Variants in MYO1E observed in about 807,000 individuals in gnomAD.
MYO1E encodes the protein myosin IE.
Under a neutral mutation model 151.1 loss-of-function variants are expected in MYO1E, and 68 were observed. That is an observed-to-expected ratio of 0.45 (90% CI 0.37 to 0.55). The LOEUF (loss-of-function observed/expected upper bound fraction) is 0.55, where lower values mean the gene tolerates loss of function less well. MYO1E is among the 20% of genes least tolerant of loss of function. MYO1E has a pLI of 0.00. For synonymous variants in MYO1E, 601 were observed against 501.7 expected (o/e 1.20, Z -2.64); for missense variants, 1,363 against 1,389.3 (o/e 0.98, Z 0.30).
At chr15:59,229,423 C>G (rs1174167578) in intron 6 of MYO1E, among the ~76,000 whole-genome samples, 2 of 152,158 alleles carry the variant, frequency 1.3e-5, no homozygotes, top group African/African-American at 4.8e-5. Context: ...ATATGCATGG[C>G]TCATAATTGT....
intron 16 of MYO1E, among the ~76,000 whole-genome samples, chr15:59,198,034 G>GA (rs1194332592): frequency 1.3e-5 from 2 of 151,552 alleles, no homozygotes; most frequent in Non-Finnish European, 1.5e-5. Flanking sequence ...GCTAATTTTT[G>GA]AAAAAAAATT....
At chr15:59,315,095 T>C (rs2080578848) in intron 1 of MYO1E, among the ~76,000 whole-genome samples, 1 of 152,198 alleles carries the variant, frequency 6.6e-6, no homozygotes, top group Admixed American at 6.5e-5. Flanking sequence ...TTACAGCTTC[T>C]GATGGGGAGA....
At chr15:59,225,981 C>T (rs371057532) in intron 7 of MYO1E, among the ~76,000 whole-genome samples, 7 of 152,282 alleles carry the variant, frequency 4.6e-5, no homozygotes, top group South Asian at 2.1e-4. Context: ...TGAACCCCTG[C>T]GCCCATCAGT....
intron 10 of MYO1E, 108 bp from the exon 11 acceptor site, chr15:59,214,828 G>A: frequency 1.2e-6 from 1 of 859,288 alleles, no homozygotes; most frequent in South Asian, 1.3e-5. Context: ...ACTACTGCTT[G>A]CAGGAAACAG....
intron 1 of MYO1E, among the ~76,000 whole-genome samples, chr15:59,314,636 C>G (rs879611103): frequency 1.3e-5 from 2 of 151,894 alleles, no homozygotes; most frequent in Non-Finnish European, 1.5e-5. Flanking sequence ...CACTCCGGGG[C>G]AGCTCTGCTC....
chr15:59,171,928 C>T lies in MYO1E; in HGVS notation c.2449G>A (p.Glu817Lys), dbSNP rs200616570. 8.1e-6 allele frequency: 13 copies of T among 1,614,068 alleles called. No individual in the cohort carries two copies. The highest frequency in any genetic ancestry group is 4.0e-5 in the African/African-American group (3 of 74,934). Residue 817 changes from glutamate (E) to lysine (K), a missense_variant, in exon 22 of 28, where the codon GAG becomes AAG. Glu to Lys is a moderately conservative substitution (Grantham distance 56, BLOSUM62 1). Coordinates refer to ENST00000288235, the MANE Select transcript of MYO1E (RefSeq NM_004998.4). The stretch of plus-strand genomic sequence containing the variant: ...GACACAGACAAGATCCGTTCTATCT[C>T]GATTTTCCGCTTCAGGACTTCTTTC... ...LVKEVLKRKI[E>K]IERILSVSLS...
At chr15:59,230,988 T>C (rs1222666058) in intron 6 of MYO1E, among the ~76,000 whole-genome samples, 1 of 152,210 alleles carries the variant, frequency 6.6e-6, no homozygotes, top group Non-Finnish European at 1.5e-5. Context: ...AACATATTCA[T>C]ATTCAGCCTT....
At chr15:59,223,862 T>G (rs1020721708) in intron 8 of MYO1E, among the ~76,000 whole-genome samples, 1 of 152,220 alleles carries the variant, frequency 6.6e-6, no homozygotes, top group Non-Finnish European at 1.5e-5. Context: ...GACTCCTTAT[T>G]GGCACTTTTC....
intron 17 of MYO1E, among the ~76,000 whole-genome samples, chr15:59,190,175 C>G (rs1245134694): frequency 6.6e-6 from 1 of 152,148 alleles, no homozygotes; most frequent in Non-Finnish European, 1.5e-5. Flanking sequence ...GCTGGCTGAA[C>G]CAGACACTTG....
At chr15:59,365,604 A>G (rs1310550070) in intron 1 of MYO1E, among the ~76,000 whole-genome samples, 2 of 152,162 alleles carry the variant, frequency 1.3e-5, no homozygotes, top group Non-Finnish European at 2.9e-5. Context: ...GAAGTTAACA[A>G]ATGGATTTAG....
At chr15:59,138,164 G>A in intron 27 of MYO1E, 34 bp downstream of exon 27, 3 of 1,609,430 alleles carry the variant, frequency 1.9e-6, no homozygotes, top group Non-Finnish European at 1.7e-6. Context: ...ATGCTCTTTG[G>A]GAGGCTGTCC....
Position 59,179,295 on chromosome 15 carries a change from C to G in MYO1E, c.1905-758G>C, listed in dbSNP as rs866091763. ...GCTCTCTTGTTAGTTTCTCTCATAG[C>G]AAGTACTATTTTTCCTTCAGAGCAT... On this transcript the variant is annotated intron_variant, in intron 18 of 27. Coordinates refer to ENST00000288235, the MANE Select transcript of MYO1E (RefSeq NM_004998.4). Among the ~76,000 whole-genome samples the G allele has an allele frequency of 1.3e-5, 2 of 152,062 alleles. 1 individual carries two copies. The highest frequency in any genetic ancestry group is 4.2e-4 in the South Asian group (2 of 4,816).
intron 1 of MYO1E, among the ~76,000 whole-genome samples, chr15:59,324,993 T>A (rs1291438049): frequency 3.3e-5 from 5 of 151,168 alleles, no homozygotes; most frequent in Middle Eastern, 3.5e-3. Flanking sequence ...CTATCTTCCC[T>A]TCAGTAGGGT....
intron 1 of MYO1E, among the ~76,000 whole-genome samples, chr15:59,345,988 G>A (rs554278613): frequency 5.3e-5 from 8 of 152,294 alleles, no homozygotes; most frequent in African/African-American, 1.2e-4. Flanking sequence ...TAGTACTTCC[G>A]AATGCATGTG....
rs2079354009 is a variant in MYO1E at position 59,133,083 on chromosome 15, A to T, written c.*4297T>A. 1 of 152,252 alleles carries T rather than the reference A, an allele frequency of 6.6e-6. No homozygotes were observed. The highest frequency in any genetic ancestry group is 6.5e-5 in the Admixed American group (1 of 15,286). 9.4% of individuals were successfully genotyped at this position (152,252 alleles called of 1,614,324 possible). On this transcript the variant is annotated 3_prime_UTR_variant, in exon 28 of 28. Transcript: ENST00000288235. The stretch of plus-strand genomic sequence containing the variant: ...AATATCTGTTGAATTGGAGAAAATG[A>T]TTAAAAGCACAGGCCTTTTGGGCAC...
At chr15:59,196,224 A>C (rs1216696417) in intron 16 of MYO1E, among the ~76,000 whole-genome samples, 1 of 152,180 alleles carries the variant, frequency 6.6e-6, no homozygotes, top group African/African-American at 2.4e-5. Flanking sequence ...CTTCTTTGCA[A>C]ATCTAGAATA....
At position 59,137,320 on chromosome 15, in the gene MYO1E, T is replaced by A; in HGVS notation, c.*60A>T. 6.9e-7 allele frequency: 1 copy of A among 1,441,282 alleles called. No individual in the cohort carries two copies. The highest frequency in any genetic ancestry group is 9.8e-7 in the Non-Finnish European group (1 of 1,022,798). The allele number at this position is 1,441,282 out of a possible 1,614,324, so 89.3% of individuals were successfully genotyped here. A position where few individuals can be genotyped will look rare whatever the true frequency, so the allele number is the denominator to read the frequency against. On this transcript the variant is annotated 3_prime_UTR_variant, in exon 28 of 28. Transcript: ENST00000288235. Reference sequence around the variant, plus strand: ...GGATTGTAAGGGGAGCCCCTAAATATCCCCTCCCCTGGTCTGTGCCTGGAG... The same window carrying A: ...GGATTGTAAGGGGAGCCCCTAAATAACCCCTCCCCTGGTCTGTGCCTGGAG...
chr15:59,221,078 G>A (rs1302792613), intron 9 of MYO1E, among the ~76,000 whole-genome samples: 3 of 144,840 alleles, frequency 2.1e-5, no homozygotes, highest in Non-Finnish European at 4.5e-5. Flanking sequence ...CCCTTTTTGA[G>A]ATGGAGACTC....
Position 59,369,660 on chromosome 15 carries a change from T to A in MYO1E, c.3+2838A>T, listed in dbSNP as rs144004118. 7.7e-3 allele frequency among the ~76,000 whole-genome samples: 1,177 copies of A among 152,292 alleles called. 17 individuals are homozygous for A. Among genetic ancestry groups the A allele is most frequent in the African/African-American group, 0.028 (1,144 of 41,552 alleles). ...AGTCTCCTTAGGAAAAAGACACAAGTAACTATTGCCTGGTAGTGTTCCTAG... is the reference window on the plus strand; with the variant it reads ...AGTCTCCTTAGGAAAAAGACACAAGAAACTATTGCCTGGTAGTGTTCCTAG... On this transcript the variant is annotated intron_variant, in intron 1 of 27. Transcript: ENST00000288235.
Sources: gnomAD v4.1 joint callset for allele counts (sites outside exome capture counted in the v4.1 genomes callset) on GRCh38, gnomAD v4.1.1 for gene constraint, MANE v1.5 for transcripts, NCBI Gene and HGNC (gene_info 2026-07-23, HGNC 2026-07-21) for gene names.